Variants in GAP43 observed in about 807,000 individuals in gnomAD.
The protein encoded by GAP43 is growth associated protein 43, also known as neuromodulin.
GAP43 carries 6 observed loss-of-function variants against 18.6 expected under a neutral mutation model. That is an observed-to-expected ratio of 0.32 (90% CI 0.18 to 0.64). The LOEUF (loss-of-function observed/expected upper bound fraction) is 0.64. Ranked by LOEUF, GAP43 falls within the 30% of genes least tolerant of loss-of-function variation. The pLI, the probability that GAP43 is intolerant of heterozygous loss-of-function variation, is 0.78. For missense variants in GAP43, 292 were observed against 295.5 expected (o/e 0.99, Z 0.09); for synonymous variants, 115 against 111.4 (o/e 1.03, Z -0.20).
chr3:115,686,399 A>G (rs915455174), intron 2 of GAP43, among the ~76,000 whole-genome samples: 8 of 152,348 alleles, frequency 5.3e-5, no homozygotes, highest in African/African-American at 1.9e-4. Flanking sequence ...AAGAAAAGTA[A>G]AGTTTAGAAT....
intron 2 of GAP43, among the ~76,000 whole-genome samples, chr3:115,683,130 CGCGT>C (rs374573963): frequency 0.14 from 15,254 of 106,834 alleles, 882 homozygotes; most frequent in Admixed American, 0.22. Context: ...CATGTGCGCG[CGCGT>C]GCGCGCGCGC....
intron 2 of GAP43, among the ~76,000 whole-genome samples, chr3:115,716,038 G>A (rs1006029247): frequency 3.3e-5 from 5 of 152,180 alleles, no homozygotes; most frequent in African/African-American, 4.8e-5. Context: ...GGTACACTTC[G>A]CACTGTTCTG....
At chr3:115,700,644 C>T (rs1309548104) in intron 2 of GAP43, among the ~76,000 whole-genome samples, 4 of 152,070 alleles carry the variant, frequency 2.6e-5, no homozygotes, top group Non-Finnish European at 5.9e-5. Context: ...AAGTTAACTT[C>T]AGTGAAAAAG....
intron 2 of GAP43, among the ~76,000 whole-genome samples, chr3:115,705,703 G>A (rs78859927): frequency 1.3e-5 from 2 of 152,242 alleles, no homozygotes; most frequent in African/African-American, 4.8e-5. Flanking sequence ...GAAAAACTGA[G>A]AAGGAAAAGC....
intron 1 of GAP43, among the ~76,000 whole-genome samples, chr3:115,667,514 T>C (rs1708748705): frequency 6.6e-6 from 1 of 152,246 alleles, no homozygotes; most frequent in Non-Finnish European, 1.5e-5. Flanking sequence ...AAAATACTTA[T>C]CTTATTGCAT....
intron 1 of GAP43, among the ~76,000 whole-genome samples, chr3:115,675,788 A>AAT (rs1708875686): frequency 8.3e-6 from 1 of 120,818 alleles, no homozygotes; most frequent in African/African-American, 3.2e-5. Flanking sequence ...AAAAAAAAAA[A>AAT]TGGCCAGTGA....
At chr3:115,655,956 A>G (rs983167143) in intron 1 of GAP43, among the ~76,000 whole-genome samples, 2 of 152,246 alleles carry the variant, frequency 1.3e-5, no homozygotes, top group Non-Finnish European at 2.9e-5. Context: ...GAGGCCTGCC[A>G]CATGCCTTAG....
At position 115,714,806 on chromosome 3, in the gene GAP43, G is replaced by C. The variant is rs373189805; in HGVS notation, c.629-5988G>C. Reference sequence around the variant, plus strand: ...TGGATTTGGGGAGAAGCCATCACTAGGTAGATAATAGTAATAGTCTTAGGA... The same window carrying C: ...TGGATTTGGGGAGAAGCCATCACTACGTAGATAATAGTAATAGTCTTAGGA... On this transcript the variant is annotated intron_variant, in intron 2 of 2. Coordinates refer to ENST00000305124, the MANE Select transcript of GAP43 (RefSeq NM_002045.4). 4.0e-5 allele frequency among the ~76,000 whole-genome samples: 6 copies of C among 151,730 alleles called. No individual in the cohort carries two copies. The East Asian group carries it at 5.8e-4, about 15-fold the overall frequency.
chr3:115,628,140 G>A (rs1168978990), intron 1 of GAP43, among the ~76,000 whole-genome samples: 2 of 152,038 alleles, frequency 1.3e-5, no homozygotes, highest in Non-Finnish European at 2.9e-5. Flanking sequence ...CAGTTTTGCA[G>A]GATGATCTAG....
chr3:115,691,470 G>A lies in GAP43; in HGVS notation c.628+14860G>A, dbSNP rs185764379. On this transcript the variant is annotated intron_variant, in intron 2 of 2. Transcript: ENST00000305124. Reference sequence around the variant, plus strand: ...CTCATTGCTGAACTTGGTGGTTGTCGGTATTAAATAGATCATGTGTAAAAG... The same window carrying A: ...CTCATTGCTGAACTTGGTGGTTGTCAGTATTAAATAGATCATGTGTAAAAG... Among the ~76,000 whole-genome samples, 14 of 152,138 alleles carry A rather than the reference G, an allele frequency of 9.2e-5. 1 individual carries two copies. In the East Asian group the frequency reaches 1.7e-3, roughly 19 times the overall value.
intron 1 of GAP43, among the ~76,000 whole-genome samples, chr3:115,643,799 A>G (rs1005011251): frequency 1.3e-5 from 2 of 152,022 alleles, no homozygotes; most frequent in Non-Finnish European, 2.9e-5. Flanking sequence ...CACCAGTGGT[A>G]CGTAAACTCC....
At chr3:115,652,843 T>C (rs1708539216) in intron 1 of GAP43, among the ~76,000 whole-genome samples, 1 of 152,238 alleles carries the variant, frequency 6.6e-6, no homozygotes, top group Non-Finnish European at 1.5e-5. Flanking sequence ...GACCACCGTC[T>C]TGAGACAAAA....
chr3:115,711,512 C>CA (rs1491440112), intron 2 of GAP43, among the ~76,000 whole-genome samples: 7 of 132,500 alleles, frequency 5.3e-5, no homozygotes, highest in African/African-American at 1.8e-4. Context: ...CACACACACA[C>CA]CCCCCTACAG....
intron 2 of GAP43, among the ~76,000 whole-genome samples, chr3:115,683,648 A>T (rs1027418039): frequency 6.6e-6 from 1 of 152,118 alleles, no homozygotes; most frequent in African/African-American, 2.4e-5. Flanking sequence ...GTGTATTTTT[A>T]TATGCTTTTA....
At chr3:115,698,118 ATATAT>A (rs1709231644) in intron 2 of GAP43, among the ~76,000 whole-genome samples, 1 of 15,282 alleles carries the variant, frequency 6.5e-5, no homozygotes, top group Admixed American at 2.0e-3. Flanking sequence ...AATATATAAT[ATATAT>A]TATATATAAT....
chr3:115,626,676 T>G (rs1708191236), intron 1 of GAP43, among the ~76,000 whole-genome samples: 1 of 152,140 alleles, frequency 6.6e-6, no homozygotes, highest in Admixed American at 6.5e-5. Context: ...AACTATGAGG[T>G]GTTTCTTTTG....
At chr3:115,636,632 G>T (rs750748013) in intron 1 of GAP43, among the ~76,000 whole-genome samples, 34 of 152,022 alleles carry the variant, frequency 2.2e-4, no homozygotes, top group Admixed American at 6.6e-5. Flanking sequence ...TCTACATATT[G>T]CCTGCTGGCT....
intron 2 of GAP43, among the ~76,000 whole-genome samples, chr3:115,706,573 T>G (rs1259044962): frequency 1.3e-5 from 2 of 152,154 alleles, no homozygotes; most frequent in African/African-American, 4.8e-5. Context: ...ATCAGAAAGG[T>G]CTTTGCCCTT....
At chr3:115,653,564 A>G (rs1576983401) in intron 1 of GAP43, among the ~76,000 whole-genome samples, 1 of 152,216 alleles carries the variant, frequency 6.6e-6, no homozygotes, top group Non-Finnish European at 1.5e-5. Flanking sequence ...CTATTTCACC[A>G]AGGGTAACCT....
Sources: allele counts gnomAD v4.1 joint callset (sites outside exome capture counted in the v4.1 genomes callset), GRCh38; gene constraint gnomAD v4.1.1; transcripts MANE v1.5; gene names NCBI Gene and HGNC (gene_info 2026-07-23, HGNC 2026-07-21).